Variants in ZNF254 observed in about 807,000 individuals in gnomAD.
ZNF254 encodes the protein CTD-2017D11.1.
Under a neutral mutation model 12.4 loss-of-function variants are expected in ZNF254, and 10 were observed. The observed-to-expected ratio is 0.80, with a 90% CI of 0.50 to 1.36. The LOEUF (loss-of-function observed/expected upper bound fraction) is 1.36. ZNF254 is among the 40% of genes most tolerant of loss of function. The pLI is 0.00. For missense variants in ZNF254, 996 were observed against 763.9 expected, an observed-to-expected ratio of 1.30 and a Z score of -3.58; for synonymous variants, 305 against 253.4, an observed-to-expected ratio of 1.20 and a Z score of -1.93.
At chr19:24,045,777 CAG>C in intron 1 of ZNF254, among the ~76,000 whole-genome samples, 1 of 152,034 alleles carries the variant, frequency 6.6e-6, no homozygotes, top group East Asian at 1.9e-4. Flanking sequence ...GAATTAGTCT[CAG>C]AGTGTGGTGT....
chr19:24,046,373 T>TGTATA (rs1555750839), intron 2 of ZNF254: 1 of 95,508 alleles, frequency 1.0e-5, no homozygotes, highest in African/African-American at 4.3e-5. Flanking sequence ...TTATTATTTT[T>TGTATA]TATATATATA....
At chr19:24,104,637 T>C (rs1568458956) in intron 1 of ZNF254, 1 of 152,202 alleles carries the variant, frequency 6.6e-6, no homozygotes, top group South Asian at 2.1e-4. Flanking sequence ...AAGAATCTTC[T>C]CTACATCATG....
At chr19:24,077,627 T>C (rs903017834) in intron 2 of ZNF254, among the ~76,000 whole-genome samples, 3 of 152,286 alleles carry the variant, frequency 2.0e-5, no homozygotes, top group African/African-American at 7.2e-5. Flanking sequence ...AGTTACTTAG[T>C]GTAGTGTGAA....
At chr19:24,037,210 T>C (rs1484706456) in intron 1 of ZNF254, among the ~76,000 whole-genome samples, 1 of 152,200 alleles carries the variant, frequency 6.6e-6, no homozygotes, top group East Asian at 1.9e-4. Context: ...CTCTTCTGTC[T>C]TTTGCTTTTC....
intron 1 of ZNF254, among the ~76,000 whole-genome samples, chr19:24,043,593 A>G (rs1970260438): frequency 6.6e-6 from 1 of 152,224 alleles, no homozygotes; most frequent in South Asian, 2.1e-4. Flanking sequence ...CACCCGATTC[A>G]GTAACAATAG....
At chr19:24,063,562 A>G (rs1971156065) in intron 2 of ZNF254, among the ~76,000 whole-genome samples, 1 of 152,194 alleles carries the variant, frequency 6.6e-6, no homozygotes, top group South Asian at 2.1e-4. Flanking sequence ...CAGGTGATGT[A>G]ACACTTCATC....
In ZNF254 at chr19:24,078,301, G is replaced by T. The variant is rs1375457846; in HGVS notation, c.-93-27639G>T. Among the ~76,000 whole-genome samples the T allele has an allele frequency of 2.0e-5, 3 of 152,186 alleles. No homozygotes were observed. In the East Asian group the frequency reaches 5.8e-4, roughly 29 times the overall value. On this transcript the variant is annotated intron_variant, in intron 2 of 4. Transcript: ENST00000613065. ...GATTTGCCCACTTCGGCCTCCCAAAGTGCTGGGATTAGGGGCAATTCTTTA... is the reference window on the plus strand; with the variant it reads ...GATTTGCCCACTTCGGCCTCCCAAATTGCTGGGATTAGGGGCAATTCTTTA...
At chr19:24,073,677 T>C (rs528444525) in intron 2 of ZNF254, among the ~76,000 whole-genome samples, 1 of 152,280 alleles carries the variant, frequency 6.6e-6, no homozygotes, top group South Asian at 2.1e-4. Context: ...TGTGGGTTGA[T>C]GACTCTCAGA....
chr19:24,076,021 T>G (rs568055284), intron 2 of ZNF254, among the ~76,000 whole-genome samples: 1 of 152,370 alleles, frequency 6.6e-6, no homozygotes, highest in South Asian at 2.1e-4. Flanking sequence ...TGAAAATCAC[T>G]GTTATTGTGT....
intron 1 of ZNF254, among the ~76,000 whole-genome samples, chr19:24,096,402 T>C (rs1972674439): frequency 6.6e-6 from 1 of 152,196 alleles, no homozygotes; most frequent in Non-Finnish European, 1.5e-5. Flanking sequence ...TCTTGGTTTC[T>C]GCCTTAATTT....
In ZNF254 at chr19:24,127,073, C is replaced by T. The variant is rs768810479; in HGVS notation, c.1073C>T (p.Ala358Val). 15 of 1,613,350 alleles carry T rather than the reference C, an allele frequency of 9.3e-6. No individual in the cohort carries two copies. The highest frequency in any genetic ancestry group is 1.7e-5 in the Admixed American group (1 of 59,930). The change falls in exon 4 of 4, where the codon GCT becomes GTT. Residue 358 changes from alanine to valine, a missense_variant. By Grantham distance (64) the Ala-to-Val change is moderately conservative. Coordinates refer to ENST00000357002, the MANE Select transcript of ZNF254 (RefSeq NM_203282.4). ...KPYKCEECGK[A>V]FSQSSTLTTH... is the part of the protein sequence containing the mutation. ...TACAAATGTGAAGAATGTGGCAAAGCTTTTAGCCAGTCCTCAACCCTTACT... is the reference window on the plus strand; with the variant it reads ...TACAAATGTGAAGAATGTGGCAAAGTTTTTAGCCAGTCCTCAACCCTTACT...
intron 3 of ZNF254, among the ~76,000 whole-genome samples, chr19:24,115,684 A>G (rs1448724941): frequency 1.3e-5 from 2 of 152,164 alleles, no homozygotes; most frequent in Non-Finnish European, 2.9e-5. Flanking sequence ...TAATAATAAA[A>G]AAAGAAAAAT....
intron 2 of ZNF254, among the ~76,000 whole-genome samples, chr19:24,074,587 A>C (rs1010788735): frequency 1.2e-4 from 18 of 152,130 alleles, no homozygotes; most frequent in Non-Finnish European, 1.5e-5. Context: ...AGGCTACGTC[A>C]TTCTTCTATC....
chr19:24,085,427 A>ATATATATATATATATATATATATAT (rs1369362234), upstream of ZNF254, among the ~76,000 whole-genome samples: 1,075 of 42,014 alleles, frequency 0.026, 98 homozygotes, highest in African/African-American at 0.055. Context: ...TATATATATA[A>ATATATATATATATATATATATATAT]AAACTAAGAT....
At chr19:24,091,340 A>G (rs1254931761) in intron 1 of ZNF254, among the ~76,000 whole-genome samples, 9 of 152,094 alleles carry the variant, frequency 5.9e-5, no homozygotes, top group Admixed American at 3.9e-4. Context: ...ATCTCTCTTC[A>G]ATTTCAGCTG....
Position 24,087,311 on chromosome 19 carries a change from C to G in ZNF254, c.4C>G (p.Pro2Ala). The G allele has an allele frequency of 1.2e-6, 2 of 1,613,616 alleles. No homozygotes were observed. Among genetic ancestry groups the G allele is most frequent in the Middle Eastern group, 1.7e-4 (1 of 6,058 alleles). ...GTATTGGAGATCCACAGCTAAGATG[C>G]CAGGACCCCCTAGAAGCCTAGAAAT... Reference protein sequence around the residue: MPGPPRSLEMGL... With the variant: MAGPPRSLEMGL... Residue 2 changes from proline to alanine, a missense_variant, in exon 1 of 4, where the codon CCA becomes GCA. Pro to Ala is a conservative substitution (Grantham distance 27). Coordinates refer to ENST00000357002, the MANE Select transcript of ZNF254 (RefSeq NM_203282.4).
Position 24,127,622 on chromosome 19 carries a change from C to A in ZNF254, c.1622C>A (p.Thr541Asn), listed in dbSNP as rs1334919781. ...CTTACTAAACATAAGATAATTCATACTGAAGAGAAACCCTACAAATGTGAA... is the reference window on the plus strand; with the variant it reads ...CTTACTAAACATAAGATAATTCATAATGAAGAGAAACCCTACAAATGTGAA... ...STLTKHKIIH[T>N]EEKPYKCEKC... The change falls in exon 4 of 4, where the codon ACT (threonine) becomes AAT (asparagine). Residue 541 changes from threonine (T) to asparagine (N), a missense_variant. By Grantham distance (65) the Thr-to-Asn change is moderately conservative. Transcript: ENST00000357002. The A allele has an allele frequency of 6.2e-7, 1 of 1,608,126 alleles. No homozygotes were observed. Among genetic ancestry groups the A allele is most frequent in the Non-Finnish European group, 8.5e-7 (1 of 1,176,930 alleles).
chr19:24,094,855 T>G (rs1972583127), intron 1 of ZNF254, among the ~76,000 whole-genome samples: 1 of 152,036 alleles, frequency 6.6e-6, no homozygotes, highest in Admixed American at 6.5e-5. Context: ...CCTGGCTAAT[T>G]TTTATATTTT....
chr19:24,045,687 A>G lies in ZNF254; in HGVS notation c.-189-497A>G, dbSNP rs960302504. ...TGTCTCAAAAAAAAAAAAAAAAAAA[A>G]GGAAATCTAGCCCCTTCTTCGGGGC... On this transcript the variant is annotated intron_variant, in intron 1 of 4. Coordinates refer to the ZNF254 transcript ENST00000613065. Among the ~76,000 whole-genome samples the G allele has an allele frequency of 9.5e-5, 14 of 148,088 alleles. No individual in the cohort carries two copies. In the East Asian group the frequency reaches 2.8e-3, roughly 29 times the overall value.
Sources: allele counts gnomAD v4.1 joint callset (sites outside exome capture counted in the v4.1 genomes callset), GRCh38; gene constraint gnomAD v4.1.1; transcripts MANE v1.5; gene names NCBI Gene and HGNC (gene_info 2026-07-23, HGNC 2026-07-21).